Variants in STRIP2 observed in about 807,000 individuals in gnomAD.
The protein encoded by STRIP2 is striatin interacting protein 2.
STRIP2 carries 84 observed loss-of-function variants against 107.1 expected under a neutral mutation model. The observed-to-expected ratio is 0.78, with a 90% confidence interval of 0.66 to 0.94. STRIP2 has a LOEUF of 0.94. Among genes scored for constraint, STRIP2 ranks in the 40% least tolerant of loss-of-function variants. STRIP2 has a pLI of 0.00. For missense variants in STRIP2, 888 were observed against 1,034.2 expected (o/e 0.86, Z 1.94); for synonymous variants, 394 against 400.4 (o/e 0.98, Z 0.19).
chr7:129,466,456 G>A (rs1487075055), intron 16 of STRIP2, among the ~76,000 whole-genome samples: 3 of 152,190 alleles, frequency 2.0e-5, no homozygotes, highest in African/African-American at 7.2e-5. Context: ...TTGGCTACTT[G>A]TTGGTGATCA....
chr7:129,449,480 GC>G (rs1481015985), intron 3 of STRIP2, among the ~76,000 whole-genome samples: 1 of 152,174 alleles, frequency 6.6e-6, no homozygotes, highest in Non-Finnish European at 1.5e-5. Context: ...TTCAGGCAGT[GC>G]AGGGTTTATC....
rs1799264108 is a variant in STRIP2 at position 129,487,241 on chromosome 7, C to T, written c.*1412C>T. 1 of 152,120 alleles carries T rather than the reference C, an allele frequency of 6.6e-6. No homozygotes were observed. The highest frequency in any genetic ancestry group is 6.6e-5 in the Admixed American group (1 of 15,252). 9.4% of individuals were successfully genotyped at this position (152,120 alleles called of 1,614,324 possible). A position where few individuals can be genotyped will look rare whatever the true frequency, so the allele number is the denominator to read the frequency against. ...TGTTAGCCAGGCTGACCTCAAACTC[C>T]TGACCTCAGGTGATCCGCCCGCCTC... is the stretch of plus-strand genomic sequence containing the variant. On this transcript the variant is annotated 3_prime_UTR_variant, in exon 21 of 21. Coordinates refer to ENST00000249344, the MANE Select transcript of STRIP2 (RefSeq NM_020704.3).
chr7:129,469,523 T>C (rs1233404313), intron 17 of STRIP2, among the ~76,000 whole-genome samples: 1 of 152,172 alleles, frequency 6.6e-6, no homozygotes, highest in African/African-American at 2.4e-5. Context: ...GGTGGGTGGA[T>C]AGGTGGATGA....
Position 129,480,450 on chromosome 7 carries a change from A to G in STRIP2, c.1945-335A>G, listed in dbSNP as rs539278872. Among the ~76,000 whole-genome samples the G allele has an allele frequency of 2.0e-5, 3 of 152,338 alleles. No homozygotes were observed. In the South Asian group the frequency reaches 6.2e-4, roughly 32 times the overall value. On this transcript the variant is annotated intron_variant, in intron 18 of 20. Transcript: ENST00000249344. Reference sequence around the variant, plus strand: ...TTACAAACATAGTTTATATAAGCGCAAAGTACCTGTATATGGGGGTAAAAT... The same window carrying G: ...TTACAAACATAGTTTATATAAGCGCGAAGTACCTGTATATGGGGGTAAAAT...
intron 18 of STRIP2, chr7:129,478,040 A>C: frequency 7.4e-6 from 3 of 403,596 alleles, no homozygotes; most frequent in South Asian, 3.9e-5. Context: ...GCAACAGAAG[A>C]ATATTGGAAT....
At chr7:129,484,276 G>A (rs1232053613) in intron 20 of STRIP2, among the ~76,000 whole-genome samples, 4 of 152,200 alleles carry the variant, frequency 2.6e-5, no homozygotes, top group Admixed American at 2.0e-4. Flanking sequence ...CTTGGGAACT[G>A]TACATTGCCT....
rs1249217524 is a variant in STRIP2, at chr7:129,446,430, T to C, written c.274+2332T>C. ...CAGCCAAATCATTGGCTATAGCCCA[T>C]GAATCAGTATTTAATCGCACATCTT... On this transcript the variant is annotated intron_variant, in intron 3 of 20. Transcript: ENST00000249344. 4.6e-5 allele frequency among the ~76,000 whole-genome samples: 7 copies of C among 152,328 alleles called. No homozygotes were observed. In the South Asian group the frequency reaches 1.0e-3, roughly 23 times the overall value.
At chr7:129,467,947 G>A (rs1199089539) in intron 17 of STRIP2, among the ~76,000 whole-genome samples, 1 of 152,098 alleles carries the variant, frequency 6.6e-6, no homozygotes, top group Non-Finnish European at 1.5e-5. Flanking sequence ...AATCTCCTCA[G>A]CAATGCTAAG....
chr7:129,442,865 A>G (rs1475696827), intron 2 of STRIP2, among the ~76,000 whole-genome samples: 1 of 152,152 alleles, frequency 6.6e-6, no homozygotes, highest in Non-Finnish European at 1.5e-5. Context: ...ACCTGGTTAA[A>G]TTTCCAGGAA....
At chr7:129,440,538 G>A (rs989860220) in intron 2 of STRIP2, among the ~76,000 whole-genome samples, 8 of 151,264 alleles carry the variant, frequency 5.3e-5, no homozygotes, top group Non-Finnish European at 8.8e-5. Flanking sequence ...TCTTCCTCTC[G>A]CAACTGCCCC....
intron 13 of STRIP2, among the ~76,000 whole-genome samples, chr7:129,462,276 C>T (rs530686762): frequency 7.2e-5 from 11 of 152,286 alleles, no homozygotes; most frequent in South Asian, 4.1e-4. Context: ...CAGAGGGAGG[C>T]GGGTTATTCT....
intron 4 of STRIP2, 99 bp from the exon 5 acceptor site, chr7:129,453,128 G>T: frequency 2.0e-6 from 3 of 1,526,388 alleles, no homozygotes; most frequent in Admixed American, 3.7e-5. Flanking sequence ...TAATTATTAG[G>T]CAGAGTATTA....
chr7:129,485,472 A>AAT, intron 20 of STRIP2, 107 bp from the exon 21 acceptor site: 6 of 1,255,168 alleles, frequency 4.8e-6, no homozygotes, highest in African/African-American at 1.5e-5. Context: ...AAAAAAAAAA[A>AAT]GAATTTCTGA....
chr7:129,453,369 G>A, intron 5 of STRIP2, 22 bp downstream of exon 5: 1 of 1,613,714 alleles, frequency 6.2e-7, no homozygotes, highest in South Asian at 1.1e-5. Context: ...TAGGGGAAGG[G>A]CTGGCCTACA....
intron 18 of STRIP2, 60 bp from the exon 19 acceptor site, chr7:129,480,725 C>T: frequency 1.4e-6 from 2 of 1,420,108 alleles, no homozygotes; most frequent in East Asian, 4.6e-5. Context: ...GACTTCCAGG[C>T]TTCTGTGGGA....
intron 1 of STRIP2, among the ~76,000 whole-genome samples, chr7:129,438,085 G>A (rs1299897899): frequency 1.3e-5 from 2 of 152,274 alleles, no homozygotes; most frequent in Non-Finnish European, 1.5e-5. Context: ...GATTACAGGC[G>A]TGAGCCACTG....
At chr7:129,445,627 A>G (rs1309892527) in intron 3 of STRIP2, among the ~76,000 whole-genome samples, 1 of 152,148 alleles carries the variant, frequency 6.6e-6, no homozygotes, top group Non-Finnish European at 1.5e-5. Context: ...ACTTTGCCCC[A>G]GCCCTGCAAA....
intron 16 of STRIP2, among the ~76,000 whole-genome samples, chr7:129,465,946 C>G (rs562274827): frequency 1.3e-5 from 2 of 152,320 alleles, no homozygotes; most frequent in South Asian, 4.1e-4. Context: ...GTCCATGGCC[C>G]TATCAACCAG....
intron 1 of STRIP2, among the ~76,000 whole-genome samples, chr7:129,437,436 A>G (rs1797770629): frequency 6.9e-6 from 1 of 144,298 alleles, no homozygotes; most frequent in Admixed American, 6.9e-5. Flanking sequence ...ACCCTGTCTT[A>G]AAAAAAAAAA....
Sources: allele counts gnomAD v4.1 joint callset (sites outside exome capture counted in the v4.1 genomes callset), GRCh38; gene constraint gnomAD v4.1.1; transcripts MANE v1.5; gene names NCBI Gene and HGNC (gene_info 2026-07-23, HGNC 2026-07-21).